Variants in SMYD3 observed in about 807,000 individuals in gnomAD.
SMYD3 encodes the protein histone-lysine N-methyltransferase SMYD3.
SMYD3 carries 36 observed loss-of-function variants against 57.7 expected under a neutral mutation model. The ratio of observed to expected loss-of-function variants is 0.62; its 90% CI spans 0.48 to 0.82. SMYD3 has a LOEUF of 0.82. Ranked by LOEUF, SMYD3 falls within the 40% of genes least tolerant of loss-of-function variation. The pLI, the probability that SMYD3 is intolerant of heterozygous loss-of-function variation, is 0.00. For missense variants in SMYD3, 515 were observed against 538.8 expected, an observed-to-expected ratio of 0.96 and a Z score of 0.44; for synonymous variants, 211 against 195.0, an observed-to-expected ratio of 1.08 and a Z score of -0.68.
At chr1:246,001,173 G>A (rs1041744241) in intron 5 of SMYD3, among the ~76,000 whole-genome samples, 1 of 152,132 alleles carries the variant, frequency 6.6e-6, no homozygotes, top group African/African-American at 2.4e-5. Flanking sequence ...AGCTCCAAAC[G>A]CTGCCTTCCC....
At chr1:246,391,111 T>C (rs1307211838) in intron 1 of SMYD3, among the ~76,000 whole-genome samples, 1 of 150,784 alleles carries the variant, frequency 6.6e-6, no homozygotes, top group Non-Finnish European at 1.5e-5. Flanking sequence ...TTCAGCTGGG[T>C]GCGATGGCTC....
chr1:246,216,358 A>G (rs1458175439), intron 5 of SMYD3, among the ~76,000 whole-genome samples: 1 of 151,900 alleles, frequency 6.6e-6, no homozygotes, highest in Non-Finnish European at 1.5e-5. Flanking sequence ...CATATTGGAC[A>G]ATATGGTGAC....
At chr1:246,080,866 C>T (rs2060627567) in intron 5 of SMYD3, among the ~76,000 whole-genome samples, 2 of 152,146 alleles carry the variant, frequency 1.3e-5, no homozygotes, top group Admixed American at 1.3e-4. Flanking sequence ...CAATGGTTAA[C>T]AACACTAGGT....
chr1:246,197,715 A>C (rs115536495), intron 5 of SMYD3, among the ~76,000 whole-genome samples: 6 of 152,252 alleles, frequency 3.9e-5, no homozygotes, highest in Non-Finnish European at 8.8e-5. Context: ...TAAAGTATGG[A>C]CTTTAGTTAG....
intron 5 of SMYD3, among the ~76,000 whole-genome samples, chr1:246,314,340 T>C (rs982241776): frequency 6.6e-6 from 1 of 152,072 alleles, no homozygotes. Context: ...TGCAGTATGG[T>C]GGAATGCAGA....
At chr1:246,117,742 G>A (rs1415557895) in intron 5 of SMYD3, among the ~76,000 whole-genome samples, 3 of 152,134 alleles carry the variant, frequency 2.0e-5, no homozygotes, top group African/African-American at 7.2e-5. Flanking sequence ...TTGTTACGTA[G>A]GTAAACGTGT....
intron 8 of SMYD3, among the ~76,000 whole-genome samples, chr1:245,890,640 C>A (rs527793428): frequency 1.3e-5 from 2 of 152,110 alleles, no homozygotes; most frequent in African/African-American, 4.8e-5. Flanking sequence ...TAAATTAGTA[C>A]ATCTACTATG....
chr1:245,950,053 G>C (rs189385159), intron 5 of SMYD3, among the ~76,000 whole-genome samples: 194 of 152,230 alleles, frequency 1.3e-3, no homozygotes, highest in Non-Finnish European at 2.2e-3. Context: ...GTTAGACCAG[G>C]AGTGCAGACA....
At chr1:246,390,807 C>A (rs538336846) in intron 1 of SMYD3, among the ~76,000 whole-genome samples, 1 of 152,118 alleles carries the variant, frequency 6.6e-6, no homozygotes, top group Admixed American at 6.6e-5. Context: ...ACAACAGCCA[C>A]ATGTAGCTAG....
chr1:246,074,243 G>T (rs1217243078), intron 5 of SMYD3, among the ~76,000 whole-genome samples: 1 of 151,958 alleles, frequency 6.6e-6, no homozygotes, highest in East Asian at 1.9e-4. Flanking sequence ...TAAGCAGTCT[G>T]CAGCTCCAAA....
chr1:245,900,716 A>G (rs2054129438), intron 8 of SMYD3, among the ~76,000 whole-genome samples: 1 of 152,234 alleles, frequency 6.6e-6, no homozygotes, highest in Admixed American at 6.5e-5. Flanking sequence ...TAAGATCACT[A>G]TGACCCCCAT....
At chr1:245,765,764 G>A (rs567829974) in intron 10 of SMYD3, among the ~76,000 whole-genome samples, 6 of 152,182 alleles carry the variant, frequency 3.9e-5, no homozygotes, top group East Asian at 1.9e-4. Flanking sequence ...AGGGACGGAG[G>A]TGCCTGCCCA....
At chr1:245,848,479 G>A (rs1456126621) in intron 10 of SMYD3, among the ~76,000 whole-genome samples, 1 of 152,062 alleles carries the variant, frequency 6.6e-6, no homozygotes, top group Non-Finnish European at 1.5e-5. Context: ...GCATGTGGTG[G>A]TTCCCTGCAG....
chr1:246,087,659 G>A (rs747320482), intron 5 of SMYD3, among the ~76,000 whole-genome samples: 16 of 152,262 alleles, frequency 1.1e-4, no homozygotes, highest in East Asian at 1.9e-4. Context: ...GCAACTCTAC[G>A]TGCAATAACG....
chr1:245,901,642 C>A (rs2054189365), intron 8 of SMYD3, among the ~76,000 whole-genome samples: 1 of 26,798 alleles, frequency 3.7e-5, no homozygotes, highest in African/African-American at 8.8e-5. Context: ...TGGCACTCAT[C>A]TCCTCCACCA....
intron 1 of SMYD3, among the ~76,000 whole-genome samples, chr1:246,461,369 G>A (rs2067795404): frequency 6.6e-6 from 1 of 152,020 alleles, no homozygotes; most frequent in African/African-American, 2.4e-5. Flanking sequence ...CATATTTCTG[G>A]AAAAGTCATA....
At chr1:246,169,338 G>A (rs2062280234) in intron 5 of SMYD3, among the ~76,000 whole-genome samples, 1 of 97,330 alleles carries the variant, frequency 1.0e-5, no homozygotes, top group Admixed American at 1.6e-4. Flanking sequence ...ATATAGAGAA[G>A]GAAAATTGGT....
At position 246,259,411 on chromosome 1, in the gene SMYD3, GT is replaced by G. The variant is rs529330419; in HGVS notation, c.531+67789del. ...TTTTCTTCCTCTATAATGTTACTGGGTTTTTTTTCCTTCTCTTTCCCTTTCC... is the reference window on the plus strand; with the variant it reads ...TTTTCTTCCTCTATAATGTTACTGGGTTTTTTTCCTTCTCTTTCCCTTTCC... On this transcript the variant is annotated intron_variant, in intron 5 of 11. Coordinates refer to ENST00000490107, the MANE Select transcript of SMYD3 (RefSeq NM_001167740.2). Among the ~76,000 whole-genome samples, 373 of 151,892 alleles carry G rather than the reference GT, an allele frequency of 2.5e-3. 1 individual carries two copies. The highest frequency in any genetic ancestry group is 5.4e-3 in the Admixed American group (82 of 15,262).
At chr1:246,268,232 G>A (rs956535422) in intron 5 of SMYD3, among the ~76,000 whole-genome samples, 9 of 152,114 alleles carry the variant, frequency 5.9e-5, no homozygotes, top group Admixed American at 3.9e-4. Flanking sequence ...TAAAGAAGCC[G>A]GACAAATCAG....
Sources: allele counts gnomAD v4.1 joint callset (sites outside exome capture counted in the v4.1 genomes callset), GRCh38; gene constraint gnomAD v4.1.1; transcripts MANE v1.5; gene names NCBI Gene and HGNC (gene_info 2026-07-23, HGNC 2026-07-21).